Variants in POLD1 observed in about 807,000 individuals in gnomAD.
The protein encoded by POLD1 is DNA polymerase delta catalytic subunit.
In POLD1, 79 loss-of-function variants were observed where a neutral mutation model predicts 129.7. That is an observed-to-expected ratio of 0.61 (90% CI 0.51 to 0.73). The LOEUF is 0.73. POLD1 is among the 30% of genes least tolerant of loss of function. POLD1 has a pLI of 0.00. For missense variants in POLD1, 1,338 were observed against 1,595.8 expected (o/e 0.84, Z 2.75); for synonymous variants, 714 against 683.3 (o/e 1.04, Z -0.70).
chr19:50,412,051 A>G (rs779171169), intron 17 of POLD1, among the ~76,000 whole-genome samples: 1 of 152,204 alleles, frequency 6.6e-6, no homozygotes, highest in Non-Finnish European at 1.5e-5. Flanking sequence ...GGAGGCTGAG[A>G]CGGGAAGATG....
chr19:50,404,613 G>C (rs140022424), intron 10 of POLD1, among the ~76,000 whole-genome samples: 179 of 79,014 alleles, frequency 2.3e-3, no homozygotes, highest in African/African-American at 4.7e-3. Flanking sequence ...GAGTCTCGCT[G>C]TGTCGCCCAG....
chr19:50,416,170 C>T, intron 22 of POLD1: 2 of 593,292 alleles, frequency 3.4e-6, no homozygotes, highest in Non-Finnish European at 3.0e-6. Flanking sequence ...CTTCCTCATC[C>T]TTGCTTCCCC....
intron 3 of POLD1, among the ~76,000 whole-genome samples, chr19:50,401,438 G>T (rs1343415468): frequency 1.9e-5 from 2 of 108,104 alleles, no homozygotes; most frequent in African/African-American, 7.4e-5. Flanking sequence ...ACTGGGTCTC[G>T]CTCTTTTGCC....
intron 1 of POLD1, among the ~76,000 whole-genome samples, chr19:50,397,744 T>C (rs138376768): frequency 6.6e-6 from 1 of 152,204 alleles, no homozygotes; most frequent in Admixed American, 6.5e-5. Flanking sequence ...AACACAAATA[T>C]ATATAAGTAG....
chr19:50,415,442 C>T lies in POLD1; in HGVS notation c.2569C>T (p.Pro857Ser), dbSNP rs2039243329. 6.2e-7 allele frequency: 1 copy of T among 1,612,424 alleles called. No homozygotes were observed. Among genetic ancestry groups the T allele is most frequent in the Non-Finnish European group, 8.5e-7 (1 of 1,179,678 alleles). ...SLRRLLIDRD[P>S]EGAVAHAQDV... Reference sequence around the variant, plus strand: ...GTGCGGCCCGCTCTCCTACAGAGACCCTGAGGGCGCGGTGGCTCACGCACA... The same window carrying T: ...GTGCGGCCCGCTCTCCTACAGAGACTCTGAGGGCGCGGTGGCTCACGCACA... Residue 857 changes from proline to serine, a missense_variant, in exon 21 of 27, where the codon CCT becomes TCT. By Grantham distance (74) the Pro-to-Ser change is moderately conservative (BLOSUM62 -1). This residue lies in a region of POLD1 where 720 missense variants were observed against 1,002.6 expected (regional missense o/e 0.72). Coordinates refer to ENST00000440232, the MANE Select transcript of POLD1 (RefSeq NM_002691.4).
chr19:50,392,455 C>G (rs2546547), intron 1 of POLD1, among the ~76,000 whole-genome samples: 1 of 151,928 alleles, frequency 6.6e-6, no homozygotes, highest in South Asian at 2.1e-4. Flanking sequence ...GTTGTCACCC[C>G]TCACCTTGGA....
intron 17 of POLD1, chr19:50,411,140 G>A (rs1477447174): frequency 6.6e-6 from 1 of 151,928 alleles, no homozygotes; most frequent in Non-Finnish European, 1.5e-5. Flanking sequence ...GTAGAGATAG[G>A]GTCTCGCCAT....
intron 10 of POLD1, among the ~76,000 whole-genome samples, chr19:50,405,332 G>A (rs2038837394): frequency 6.6e-6 from 1 of 152,220 alleles, no homozygotes; most frequent in South Asian, 2.1e-4. Context: ...AGGTGCCGGG[G>A]GTTAGGGCTT....
intron 3 of POLD1, 75 bp from the exon 4 acceptor site, chr19:50,401,703 T>G: frequency 6.6e-7 from 1 of 1,524,812 alleles, no homozygotes; most frequent in Non-Finnish European, 9.0e-7. Flanking sequence ...GGCCCCAAGG[T>G]ATTTCGAGGC....
chr19:50,391,926 A>G (rs1010400849), intron 1 of POLD1, among the ~76,000 whole-genome samples: 3 of 151,978 alleles, frequency 2.0e-5, no homozygotes, highest in African/African-American at 7.2e-5. Context: ...CACGTTGGCC[A>G]GGCTGGTCTT....
rs1167354469 is a variant in POLD1 at position 50,406,963 on chromosome 19, C to T, written c.1495-20C>T. On this transcript the variant is annotated intron_variant, in intron 12 of 26. Transcript: ENST00000440232. The surrounding 1 kb of genome is among the most constrained non-coding windows in gnomAD (Gnocchi z 5.5). ...CACCCCCAACCCCTGGTCCCTGACC[C>T]CATCCGTGCCCATCCCCAGAATGGG... is the stretch of plus-strand genomic sequence containing the variant. The T allele has an allele frequency of 3.8e-6, 6 of 1,568,300 alleles. No homozygotes were observed. The highest frequency in any genetic ancestry group is 1.8e-5 in the Admixed American group (1 of 56,572).
intron 22 of POLD1, 36 bp downstream of exon 22, chr19:50,415,862 C>A (rs2039268368): frequency 7.4e-7 from 1 of 1,355,138 alleles, no homozygotes; most frequent in Non-Finnish European, 9.9e-7. Context: ...CCGCCCAGCC[C>A]CCTCGCTCTC....
intron 17 of POLD1, among the ~76,000 whole-genome samples, chr19:50,411,540 A>G (rs1409129020): frequency 6.6e-6 from 1 of 152,204 alleles, no homozygotes; most frequent in Non-Finnish European, 1.5e-5. Flanking sequence ...GAGGTGGAAT[A>G]ATAAAAATGC....
chr19:50,385,453 C>G lies in POLD1; in HGVS notation c.-2+1063C>G, dbSNP rs2037936753. On this transcript the variant is annotated intron_variant, in intron 1 of 26. Transcript: ENST00000440232. ...GAGTGGGCAGGGTTTAGAGCGGAGC[C>G]AGGAGTGGGCAGGGCGATGTCAGTG... Among the ~76,000 whole-genome samples the G allele has an allele frequency of 2.0e-5, 3 of 151,522 alleles. No homozygotes were observed. In the South Asian group the frequency reaches 6.2e-4, roughly 31 times the overall value.
In POLD1 at chr19:50,415,779, G is replaced by C. The variant is rs746950229; in HGVS notation, c.2773G>C (p.Val925Leu). The C allele has an allele frequency of 6.4e-7, 1 of 1,566,570 alleles. No individual in the cohort carries two copies. The highest frequency in any genetic ancestry group is 8.6e-7 in the Non-Finnish European group (1 of 1,158,308). ...CAGCCTGGGCGACCGCGTCCCCTACGTGATCATCAGTGCCGCCAAGGGTGT... is the reference window on the plus strand; with the variant it reads ...CAGCCTGGGCGACCGCGTCCCCTACCTGATCATCAGTGCCGCCAAGGGTGT... ...APSLGDRVPY[V>L]IISAAKGVAA... is the part of the protein sequence containing the mutation. Residue 925 changes from valine (V) to leucine (L), a missense_variant, in exon 22 of 27, where the codon GTG becomes CTG. Val to Leu is a conservative substitution (Grantham distance 32, BLOSUM62 1). This residue lies in a region of POLD1 where 286 missense variants were observed against 277.5 expected (regional missense o/e 1.03). Transcript: ENST00000440232.
At position 50,401,940 on chromosome 19, in the gene POLD1, C is replaced by T. The variant is rs1429678329; in HGVS notation, c.463+16C>T. On this transcript the variant is annotated intron_variant, in intron 4 of 26. Transcript: ENST00000440232. Reference sequence around the variant, plus strand: ...GCGCCCCCTGGTGAGTGGCCCCTACCCAGCCCCTCCCTGAGCCACTGGAGC... The same window carrying T: ...GCGCCCCCTGGTGAGTGGCCCCTACTCAGCCCCTCCCTGAGCCACTGGAGC... 1 of 1,614,090 alleles carries T rather than the reference C, an allele frequency of 6.2e-7. No individual in the cohort carries two copies. Among genetic ancestry groups the T allele is most frequent in the South Asian group, 1.1e-5 (1 of 91,084 alleles).
At chr19:50,401,454 T>C (rs2038626478) in intron 3 of POLD1, among the ~76,000 whole-genome samples, 2 of 142,990 alleles carry the variant, frequency 1.4e-5, no homozygotes, top group Non-Finnish European at 3.0e-5. Flanking sequence ...TTGCCCAGGC[T>C]GGTCTCAAAG....
intron 1 of POLD1, among the ~76,000 whole-genome samples, chr19:50,396,230 G>A (rs1279273661): frequency 1.3e-5 from 2 of 151,178 alleles, no homozygotes; most frequent in African/African-American, 2.4e-5. Context: ...ATAATTACAG[G>A]TGTGTACCGC....
At chr19:50,398,622 T>C (rs2122190077) in intron 1 of POLD1, among the ~76,000 whole-genome samples, 1 of 140,444 alleles carries the variant, frequency 7.1e-6, no homozygotes, top group African/African-American at 2.7e-5. Flanking sequence ...CCTAGTGTGA[T>C]GGGAGAGAGG....
Sources: gnomAD v4.1 joint callset for allele counts (sites outside exome capture counted in the v4.1 genomes callset) on GRCh38, gnomAD v4.1.1 for gene constraint, gnomAD v4.1.1 regional missense constraint, Gnocchi (gnomAD v3.1) non-coding constraint, MANE v1.5 for transcripts, NCBI Gene and HGNC (gene_info 2026-07-23, HGNC 2026-07-21) for gene names.